Variants in LANCL1 observed in about 807,000 individuals in gnomAD.
The protein encoded by LANCL1 is glutathione S-transferase LANCL1.
Under a neutral mutation model 50.6 loss-of-function variants are expected in LANCL1, and 50 were observed. The observed-to-expected ratio is 0.99, with a 90% CI of 0.79 to 1.25. The LOEUF is 1.25. LANCL1 is among the 50% of genes most tolerant of loss of function. LANCL1 has a pLI of 0.00. For missense variants in LANCL1, 532 were observed against 480.7 expected (o/e 1.11, Z -1.00); for synonymous variants, 188 against 178.6 (o/e 1.05, Z -0.42).
chr2:210,459,110 G>T (rs760208958), intron 3 of LANCL1, among the ~76,000 whole-genome samples: 5 of 151,924 alleles, frequency 3.3e-5, no homozygotes, highest in African/African-American at 4.8e-5. Flanking sequence ...ACTTGAATGA[G>T]ATTTAAATTT....
intron 3 of LANCL1, among the ~76,000 whole-genome samples, chr2:210,467,783 C>T (rs1470875410): frequency 6.6e-6 from 1 of 152,076 alleles, no homozygotes; most frequent in Non-Finnish European, 1.5e-5. Context: ...TTCACTAGAA[C>T]CCTTTCATTT....
In LANCL1 at chr2:210,476,740, A is replaced by G. The variant is rs1328541018; in HGVS notation, c.-137T>C. ...CTCTCACCCCGCAGCCCCGGACAGTAACAGAAGGGCTATTTTACCGCCCAG... is the reference window on the plus strand; with the variant it reads ...CTCTCACCCCGCAGCCCCGGACAGTGACAGAAGGGCTATTTTACCGCCCAG... On this transcript the variant is annotated 5_prime_UTR_variant, in exon 1 of 10. Coordinates refer to ENST00000450366, the MANE Select transcript of LANCL1 (RefSeq NM_006055.3). 9 of 1,072,484 alleles carry G rather than the reference A, an allele frequency of 8.4e-6. No homozygotes were observed. The highest frequency in any genetic ancestry group is 4.8e-5 in the Admixed American group (1 of 20,768). 66.4% of individuals were successfully genotyped at this position (1,072,484 alleles called of 1,614,324 possible).
At chr2:210,437,418 G>C (rs143089806) in intron 7 of LANCL1, among the ~76,000 whole-genome samples, 1 of 151,924 alleles carries the variant, frequency 6.6e-6, no homozygotes, top group East Asian at 1.9e-4. Flanking sequence ...TGGTTCTTTC[G>C]AGTACACACC....
rs887150331 is a variant in LANCL1 at position 210,431,428 on chromosome 2, T to C, written c.*3059A>G. The stretch of plus-strand genomic sequence containing the variant: ...AAACAGTTCGTCTACAGCTCAATAG[T>C]AGAGAAAACACAGGAATGAGGTGCT... On this transcript the variant is annotated 3_prime_UTR_variant, in exon 10 of 10. Transcript: ENST00000450366. 1 of 152,268 alleles carries C rather than the reference T, an allele frequency of 6.6e-6. No homozygotes were observed. Among genetic ancestry groups the C allele is most frequent in the Non-Finnish European group, 1.5e-5 (1 of 68,016 alleles). The allele number at this position is 152,268 out of a possible 1,614,324, so 9.4% of individuals were successfully genotyped here.
chr2:210,477,336 G>C, upstream of LANCL1: 1 of 198,172 alleles, frequency 5.0e-6, no homozygotes, highest in South Asian at 1.7e-4. Context: ...GGATAACAAA[G>C]CTCTAAAAAA....
At chr2:210,470,721 C>T (rs563114320) in intron 3 of LANCL1, among the ~76,000 whole-genome samples, 1 of 152,278 alleles carries the variant, frequency 6.6e-6, no homozygotes, top group East Asian at 1.9e-4. Flanking sequence ...TAATAAATTT[C>T]TCTCAGAAAG....
Position 210,476,729 on chromosome 2 carries a change from C to A in LANCL1, c.-126G>T. 9.1e-7 allele frequency: 1 copy of A among 1,101,714 alleles called. No individual in the cohort carries two copies. The highest frequency in any genetic ancestry group is 1.1e-6 in the Non-Finnish European group (1 of 901,880). The allele number at this position is 1,101,714 out of a possible 1,614,324, so 68.2% of individuals were successfully genotyped here. A position where few individuals can be genotyped will look rare whatever the true frequency, so the allele number is the denominator to read the frequency against. On this transcript the variant is annotated 5_prime_UTR_variant, in exon 1 of 10. Transcript: ENST00000450366. ...TCGGCCCTGGCCTCTCACCCCGCAGCCCCGGACAGTAACAGAAGGGCTATT... is the reference window on the plus strand; with the variant it reads ...TCGGCCCTGGCCTCTCACCCCGCAGACCCGGACAGTAACAGAAGGGCTATT...
Position 210,476,681 on chromosome 2 carries a change from C to T in LANCL1, c.-78G>A, listed in dbSNP as rs917387807. On this transcript the variant is annotated 5_prime_UTR_variant, in exon 1 of 10. Coordinates refer to ENST00000450366, the MANE Select transcript of LANCL1 (RefSeq NM_006055.3). ...ACGCCCGCGACTTGAAGCAAGTGCGCCTCCCGCGTCCTGAAGCCCTTCTCG... is the reference window on the plus strand; with the variant it reads ...ACGCCCGCGACTTGAAGCAAGTGCGTCTCCCGCGTCCTGAAGCCCTTCTCG... 1.3e-4 allele frequency: 157 copies of T among 1,210,658 alleles called. No individual in the cohort carries two copies. Among genetic ancestry groups the T allele is most frequent in the Non-Finnish European group, 1.5e-4 (148 of 969,912 alleles). 75.0% of individuals were successfully genotyped at this position (1,210,658 alleles called of 1,614,324 possible). A position where few individuals can be genotyped will look rare whatever the true frequency, so the allele number is the denominator to read the frequency against.
chr2:210,473,132 T>C (rs1694269576), intron 2 of LANCL1, among the ~76,000 whole-genome samples: 1 of 152,192 alleles, frequency 6.6e-6, no homozygotes, highest in African/African-American at 2.4e-5. Flanking sequence ...TCCTAGCATT[T>C]TGGGAGGCCG....
rs1209843726 is a variant in LANCL1 at position 210,436,505 on chromosome 2, A to G, written c.874-113T>C. On this transcript the variant is annotated intron_variant, in intron 7 of 9. Coordinates refer to ENST00000450366, the MANE Select transcript of LANCL1 (RefSeq NM_006055.3). ...GGAGATGGCTTGGCAAGAAAGGGTA[A>G]AGGATTTAGTGACAGAGGGATGTGT... is the stretch of plus-strand genomic sequence containing the variant. The G allele has an allele frequency of 4.0e-6, 4 of 993,668 alleles. 1 individual carries two copies. The South Asian group carries it at 4.5e-5, about 11-fold the overall frequency. The allele number at this position is 993,668 out of a possible 1,614,324, so 61.6% of individuals were successfully genotyped here.
rs766259630 is a variant in LANCL1 at position 210,476,321 on chromosome 2, C to G, written c.76G>C (p.Gly26Arg). The G allele has an allele frequency of 1.8e-5, 29 of 1,612,646 alleles. No homozygotes were observed. In the East Asian group the frequency reaches 5.8e-4, roughly 32 times the overall value. ...CAGACATATCCTAAACTCACCCTCC[C>G]GGCAGCATCAAAGTAGCCTTCGGCC... ...SLAEGYFDAA[G>R]RLTPEFSQRL... Residue 26 changes from glycine to arginine, a missense_variant, in exon 2 of 10, where the codon GGG becomes CGG. Physicochemically the swap from Gly to Arg is moderately radical, Grantham distance 125. Coordinates refer to ENST00000450366, the MANE Select transcript of LANCL1 (RefSeq NM_006055.3).
At chr2:210,440,400 C>A (rs1328913483) in intron 6 of LANCL1, among the ~76,000 whole-genome samples, 198 bp downstream of exon 6, 1 of 152,146 alleles carries the variant, frequency 6.6e-6, no homozygotes, top group Non-Finnish European at 1.5e-5. Flanking sequence ...AAACGCAGGG[C>A]CTTTAATGTT....
At chr2:210,454,365 A>G (rs994058456) in intron 4 of LANCL1, among the ~76,000 whole-genome samples, 6 of 152,298 alleles carry the variant, frequency 3.9e-5, no homozygotes, top group South Asian at 2.1e-4. Flanking sequence ...AGCAAACAGT[A>G]TAAGATTAGC....
At chr2:210,455,981 C>T (rs1417915691) in intron 3 of LANCL1, among the ~76,000 whole-genome samples, 1 of 152,012 alleles carries the variant, frequency 6.6e-6, no homozygotes, top group Admixed American at 6.6e-5. Context: ...AATGTAAAAG[C>T]CACCAATGAC....
At chr2:210,476,574 A>G (rs1574450697) in intron 1 of LANCL1, 46 bp downstream of exon 1, 1 of 1,386,650 alleles carries the variant, frequency 7.2e-7, no homozygotes. Flanking sequence ...CCCAACTGCT[A>G]GGACATGGCG....
rs536056428 is a variant in LANCL1, at chr2:210,438,550, A to C, written c.691-678T>G. 3.3e-5 allele frequency among the ~76,000 whole-genome samples: 5 copies of C among 152,358 alleles called. No individual in the cohort carries two copies. The South Asian group carries it at 1.0e-3, about 32-fold the overall frequency. ...GAAGTTTCTCATGGTTTCAATATAT[A>C]AAACAAGCTTTAAAAGTCACAAAGA... On this transcript the variant is annotated intron_variant, in intron 6 of 9. Transcript: ENST00000450366.
intron 3 of LANCL1, among the ~76,000 whole-genome samples, chr2:210,464,104 A>T (rs992183800): frequency 6.6e-6 from 1 of 152,238 alleles, no homozygotes; most frequent in African/African-American, 2.4e-5. Context: ...TTTCTATTTA[A>T]ACCTGTACAT....
chr2:210,475,760 T>A (rs1177752609), intron 2 of LANCL1, among the ~76,000 whole-genome samples: 1 of 152,236 alleles, frequency 6.6e-6, no homozygotes, highest in Non-Finnish European at 1.5e-5. Context: ...ATTTGTGACA[T>A]GCTAACCAGT....
Position 210,448,436 on chromosome 2 carries a change from A to G in LANCL1, c.407+6671T>C, listed in dbSNP as rs1407507019. On this transcript the variant is annotated intron_variant, in intron 4 of 9. Coordinates refer to ENST00000450366, the MANE Select transcript of LANCL1 (RefSeq NM_006055.3). ...AATCGACACCTTAACATCACAATTAAAAGAACTAGAGAAGCAATAGCAAAC... is the reference window on the plus strand; with the variant it reads ...AATCGACACCTTAACATCACAATTAGAAGAACTAGAGAAGCAATAGCAAAC... Among the ~76,000 whole-genome samples the G allele has an allele frequency of 2.0e-5, 3 of 152,214 alleles. No homozygotes were observed. The East Asian group carries it at 5.8e-4, about 29-fold the overall frequency.
Sources: gnomAD v4.1 joint callset for allele counts (sites outside exome capture counted in the v4.1 genomes callset) on GRCh38, gnomAD v4.1.1 for gene constraint, MANE v1.5 for transcripts, NCBI Gene and HGNC (gene_info 2026-07-23, HGNC 2026-07-21) for gene names.